UMAD1: variants seen among roughly 807,000 people sequenced by gnomAD.
UMAD1 encodes the protein UBAP1-MVB12-associated (UMA)-domain containing protein 1.
Under a neutral mutation model 6.1 loss-of-function variants are expected in UMAD1, and 8 were observed. The observed-to-expected ratio is 1.30, with a 90% CI of 0.76 to 2.35. The LOEUF (loss-of-function observed/expected upper bound fraction) is 2.35, where lower values mean the gene tolerates loss of function less well. Among genes scored for constraint, UMAD1 ranks in the 30% most tolerant of loss-of-function variants. The pLI is 0.00. For synonymous variants in UMAD1, 56 were observed against 31.4 expected (o/e 1.78, Z -2.61); for missense variants, 130 against 78.4 (o/e 1.66, Z -2.49).
chr7:7,831,490 C>T (rs17560422), intron 3 of UMAD1, among the ~76,000 whole-genome samples: 18,801 of 152,190 alleles, frequency 0.12, 1,314 homozygotes, highest in South Asian at 0.24. Context: ...TCAAAGTGGC[C>T]TCTAAATCAC....
At chr7:7,765,310 C>T (rs1781963679) in intron 2 of UMAD1, among the ~76,000 whole-genome samples, 2 of 152,104 alleles carry the variant, frequency 1.3e-5, no homozygotes, top group Admixed American at 6.5e-5. Context: ...CCTTTGGCTT[C>T]GAGTGCAGTA....
At chr7:7,797,087 T>C (rs1056325743) in intron 2 of UMAD1, among the ~76,000 whole-genome samples, 2 of 152,206 alleles carry the variant, frequency 1.3e-5, no homozygotes, top group Admixed American at 6.5e-5. Flanking sequence ...GGAAGCATGA[T>C]GCTGGCAACT....
intron 3 of UMAD1, among the ~76,000 whole-genome samples, chr7:7,873,084 T>C (rs1253759075): frequency 1.3e-5 from 2 of 152,244 alleles, no homozygotes; most frequent in Non-Finnish European, 2.9e-5. Flanking sequence ...AATATAACTT[T>C]ATTTAATCCT....
intron 2 of UMAD1, among the ~76,000 whole-genome samples, chr7:7,763,088 G>C (rs1781922510): frequency 6.6e-6 from 1 of 151,986 alleles, no homozygotes; most frequent in Non-Finnish European, 1.5e-5. Context: ...TAAATGTTTT[G>C]AGCATAGGAT....
chr7:7,827,842 GC>G (rs1235769011), intron 3 of UMAD1, among the ~76,000 whole-genome samples: 5 of 152,078 alleles, frequency 3.3e-5, no homozygotes, highest in Non-Finnish European at 7.4e-5. Flanking sequence ...ACTACCAGCA[GC>G]AAAAACTCCA....
chr7:7,642,904 T>C (rs537615957), intron 1 of UMAD1, among the ~76,000 whole-genome samples: 1 of 152,372 alleles, frequency 6.6e-6, no homozygotes, highest in East Asian at 1.9e-4. Context: ...TGGTATGTTG[T>C]TTAATATTGC....
At chr7:7,850,112 A>G (rs907940001) in intron 3 of UMAD1, among the ~76,000 whole-genome samples, 2 of 152,172 alleles carry the variant, frequency 1.3e-5, no homozygotes, top group Admixed American at 6.6e-5. Context: ...TGAAGATACA[A>G]TTTTGTATAT....
At chr7:7,716,789 C>T (rs147040048) in intron 2 of UMAD1, among the ~76,000 whole-genome samples, 1 of 152,218 alleles carries the variant, frequency 6.6e-6, no homozygotes, top group East Asian at 1.9e-4. Flanking sequence ...ACTAAAAGCA[C>T]AAAAAAATTA....
chr7:7,704,570 A>G (rs1780547517), intron 2 of UMAD1, among the ~76,000 whole-genome samples: 1 of 147,338 alleles, frequency 6.8e-6, no homozygotes, highest in Non-Finnish European at 1.5e-5. Context: ...CCTGGCCAAT[A>G]TGGTGAAACC....
chr7:7,667,438 A>T lies in UMAD1; in HGVS notation c.-63-5871A>T, dbSNP rs574907258. Among the ~76,000 whole-genome samples the T allele has an allele frequency of 2.0e-5, 3 of 152,318 alleles. No homozygotes were observed. In the East Asian group the frequency reaches 5.8e-4, roughly 29 times the overall value. On this transcript the variant is annotated intron_variant, in intron 1 of 3. Coordinates refer to ENST00000682710, the MANE Select transcript of UMAD1 (RefSeq NM_001302348.2). ...CGCATACTAGGCTTGGGGCAGCAGG[A>T]TTATACAGGTCCCTTCCACTTAAAT...
At chr7:7,739,446 A>G (rs900144981) in intron 2 of UMAD1, among the ~76,000 whole-genome samples, 1 of 152,218 alleles carries the variant, frequency 6.6e-6, no homozygotes, top group Non-Finnish European at 1.5e-5. Context: ...TTTTGGTAGC[A>G]AGCTTAACAA....
intron 2 of UMAD1, among the ~76,000 whole-genome samples, chr7:7,796,244 CTTTTTTTTTTTTTTT>C (rs59221325): frequency 3.1e-5 from 2 of 63,978 alleles, no homozygotes; most frequent in African/African-American, 9.8e-5. Flanking sequence ...TATTTTCTTT[CTTTTTTTTTTTTTTT>C]TTTTTTTTTG....
chr7:7,784,573 C>G lies in UMAD1; in HGVS notation c.83-17097C>G, dbSNP rs921072860. ...TGTTAGCCAGGATGGTCTCGATCTT[C>G]TGACCTCGTGATCCGCCCTCCTCGG... On this transcript the variant is annotated intron_variant, in intron 2 of 3. Coordinates refer to ENST00000682710, the MANE Select transcript of UMAD1 (RefSeq NM_001302348.2). Among the ~76,000 whole-genome samples, 4 of 150,976 alleles carry G rather than the reference C, an allele frequency of 2.6e-5. 1 individual carries two copies. The highest frequency in any genetic ancestry group is 1.3e-4 in the Admixed American group (2 of 15,166).
chr7:7,776,563 G>C (rs1417718408), intron 2 of UMAD1, among the ~76,000 whole-genome samples: 1 of 152,080 alleles, frequency 6.6e-6, no homozygotes, highest in Non-Finnish European at 1.5e-5. Context: ...ATCACAAAAA[G>C]TTTCTTTTGA....
chr7:7,645,695 T>C (rs1334448617), intron 1 of UMAD1, among the ~76,000 whole-genome samples: 1 of 152,202 alleles, frequency 6.6e-6, no homozygotes, highest in East Asian at 1.9e-4. Flanking sequence ...TTAATTGAGA[T>C]GATTGAAATG....
At chr7:7,810,947 C>G (rs765258224) in intron 3 of UMAD1, among the ~76,000 whole-genome samples, 4 of 152,150 alleles carry the variant, frequency 2.6e-5, no homozygotes, top group Non-Finnish European at 5.9e-5. Context: ...ACCCAGGGAC[C>G]TTTCCAGCAG....
intron 3 of UMAD1, among the ~76,000 whole-genome samples, chr7:7,836,335 A>T (rs1174488990): frequency 6.6e-6 from 1 of 152,026 alleles, no homozygotes; most frequent in East Asian, 1.9e-4. Flanking sequence ...CTAGCTATAA[A>T]AGTCTTATGT....
intron 3 of UMAD1, among the ~76,000 whole-genome samples, chr7:7,802,358 C>A (rs1321192584): frequency 1.4e-5 from 2 of 144,994 alleles, no homozygotes; most frequent in Admixed American, 1.4e-4. Flanking sequence ...TGCCTGGCGA[C>A]AGAGCGAGAC....
At chr7:7,711,079 T>G (rs534885643) in intron 2 of UMAD1, among the ~76,000 whole-genome samples, 1 of 152,292 alleles carries the variant, frequency 6.6e-6, no homozygotes, top group South Asian at 2.1e-4. Flanking sequence ...TATAGAAGGA[T>G]AACACTGGGG....
Sources: gnomAD v4.1 joint callset for allele counts (sites outside exome capture counted in the v4.1 genomes callset) on GRCh38, gnomAD v4.1.1 for gene constraint, MANE v1.5 for transcripts, NCBI Gene and HGNC (gene_info 2026-07-23, HGNC 2026-07-21) for gene names.